HNRNPR: variants seen among roughly 807,000 people sequenced by gnomAD.
The protein encoded by HNRNPR is heterogeneous nuclear ribonucleoprotein R.
Under a neutral mutation model 70.3 loss-of-function variants are expected in HNRNPR, and 4 were observed. That is an observed-to-expected ratio of 0.06 (90% CI 0.03 to 0.13). HNRNPR has a LOEUF of 0.13. Ranked by LOEUF, HNRNPR falls within the 10% of genes least tolerant of loss-of-function variation. The pLI is 1.00. For missense variants in HNRNPR, 423 were observed against 788.5 expected (o/e 0.54, Z 5.55); for synonymous variants, 241 against 267.6 (o/e 0.90, Z 0.97).
chr1:23,333,691 T>C, intron 4 of HNRNPR, 60 bp from the exon 5 acceptor site: 1 of 932,122 alleles, frequency 1.1e-6, no homozygotes, highest in Non-Finnish European at 1.7e-6. Flanking sequence ...CAAGCATCAG[T>C]GTATTAATCT....
intron 5 of HNRNPR, among the ~76,000 whole-genome samples, chr1:23,327,790 G>A (rs1646050201): frequency 6.6e-6 from 1 of 151,772 alleles, no homozygotes; most frequent in Non-Finnish European, 1.5e-5. Flanking sequence ...CTAAATGATG[G>A]GGCTGAGTTT....
At chr1:23,336,717 G>A (rs535464752) in intron 4 of HNRNPR, among the ~76,000 whole-genome samples, 4 of 144,030 alleles carry the variant, frequency 2.8e-5, no homozygotes, top group African/African-American at 8.3e-5. Context: ...CTGAGATGGC[G>A]CTACTGCACT....
intron 7 of HNRNPR, among the ~76,000 whole-genome samples, chr1:23,320,497 C>T (rs925113511): frequency 6.6e-6 from 1 of 152,066 alleles, no homozygotes; most frequent in Non-Finnish European, 1.5e-5. Flanking sequence ...TAGAAAGAAG[C>T]CAATTTAGGG....
At chr1:23,334,031 A>G (rs188974834) in intron 4 of HNRNPR, among the ~76,000 whole-genome samples, 1 of 151,756 alleles carries the variant, frequency 6.6e-6, no homozygotes, top group Non-Finnish European at 1.5e-5. Context: ...CTCTTGTCTC[A>G]GCCTCCCAAG....
At chr1:23,325,129 G>C (rs1645919409) in intron 5 of HNRNPR, among the ~76,000 whole-genome samples, 1 of 151,310 alleles carries the variant, frequency 6.6e-6, no homozygotes, top group South Asian at 2.1e-4. Flanking sequence ...AACAGAGGGA[G>C]ACTCCATCTC....
At chr1:23,326,767 A>C (rs1458497001) in intron 5 of HNRNPR, among the ~76,000 whole-genome samples, 1 of 152,196 alleles carries the variant, frequency 6.6e-6, no homozygotes, top group Non-Finnish European at 1.5e-5. Flanking sequence ...CCTGGGTGAC[A>C]AGAGTGAAAC....
Position 23,308,293 on chromosome 1 carries a change from G to C in HNRNPR, c.*2161C>G, listed in dbSNP as rs1435012190. On this transcript the variant is annotated 3_prime_UTR_variant, in exon 11 of 11. Coordinates refer to ENST00000302271, the MANE Select transcript of HNRNPR (RefSeq NM_005826.5). ...AGTTTTAATCTTATGTTTTTGCGAG[G>C]GTTTGTTTTCTCAGAATCATTTCTA... 1 of 151,804 alleles carries C rather than the reference G, an allele frequency of 6.6e-6. No individual in the cohort carries two copies. The highest frequency in any genetic ancestry group is 6.6e-5 in the Admixed American group (1 of 15,246). 9.4% of individuals were successfully genotyped at this position (151,804 alleles called of 1,614,324 possible). A position where few individuals can be genotyped will look rare whatever the true frequency, so the allele number is the denominator to read the frequency against.
chr1:23,326,768 A>T (rs139374662), intron 5 of HNRNPR, among the ~76,000 whole-genome samples: 335 of 152,282 alleles, frequency 2.2e-3, no homozygotes, highest in African/African-American at 7.6e-3. Flanking sequence ...CTGGGTGACA[A>T]GAGTGAAACT....
intron 5 of HNRNPR, among the ~76,000 whole-genome samples, chr1:23,325,526 C>T (rs1645937416): frequency 6.6e-6 from 1 of 152,184 alleles, no homozygotes; most frequent in Admixed American, 6.5e-5. Flanking sequence ...AATCCTCATT[C>T]ACTAAACCTC....
At chr1:23,340,036 C>CA (rs36086561) in intron 2 of HNRNPR, among the ~76,000 whole-genome samples, 4,176 of 123,030 alleles carry the variant, frequency 0.034, 163 homozygotes, top group African/African-American at 0.1. Flanking sequence ...TTTTTAAGGA[C>CA]AAAAAAAAAA....
intron 7 of HNRNPR, among the ~76,000 whole-genome samples, chr1:23,321,322 A>G (rs538724836): frequency 6.6e-6 from 1 of 152,308 alleles, no homozygotes; most frequent in South Asian, 2.1e-4. Context: ...CAATTAAGAC[A>G]AAGAAGTGAA....
In HNRNPR at chr1:23,311,326, TA is replaced by T; in HGVS notation, c.1168-5del. On this transcript the variant is annotated splice_polypyrimidine_tract_variant and splice_region_variant and intron_variant, in intron 9 of 10. Coordinates refer to ENST00000302271, the MANE Select transcript of HNRNPR (RefSeq NM_005826.5). ...TGCCATTCATTTCATCCATAGCCTA[TA>T]AAAAATTAGAAAAATTATTTTACAA... The T allele has an allele frequency of 1.9e-6, 3 of 1,549,048 alleles. No homozygotes were observed. Among genetic ancestry groups the T allele is most frequent in the Non-Finnish European group, 2.7e-6 (3 of 1,126,768 alleles).
intron 1 of HNRNPR, among the ~76,000 whole-genome samples, chr1:23,341,315 T>C (rs908926162): frequency 2.6e-5 from 4 of 152,206 alleles, no homozygotes; most frequent in Non-Finnish European, 5.9e-5. Context: ...TGTTCTGTCC[T>C]GGTGAAAAGA....
At position 23,310,902 on chromosome 1, in the gene HNRNPR, C is replaced by T; in HGVS notation, c.1454G>A (p.Gly485Asp). Residue 485 changes from glycine to aspartate, a missense_variant, in exon 11 of 11, where the codon GGC becomes GAC. Physicochemically the swap from Gly to Asp is moderately conservative, Grantham distance 94. This residue lies in a region of HNRNPR where 169 missense variants were observed against 195.6 expected (regional missense o/e 0.86). Coordinates refer to ENST00000302271, the MANE Select transcript of HNRNPR (RefSeq NM_005826.5). This position sits in a 1 kb window ranked among gnomAD's most constrained non-coding sequence, Gnocchi z 6.0. ...YGYDYHDYRG[G>D]YEDPYYGYDD... ...ATAGCCGTAGTAGGGATCTTCATAGCCTCCACGATAGTCGTGATAATCATA... is the reference window on the plus strand; with the variant it reads ...ATAGCCGTAGTAGGGATCTTCATAGTCTCCACGATAGTCGTGATAATCATA... 6.2e-7 allele frequency: 1 copy of T among 1,614,170 alleles called. No individual in the cohort carries two copies. The highest frequency in any genetic ancestry group is 1.1e-5 in the South Asian group (1 of 91,086).
rs1267301169 is a variant in HNRNPR at position 23,309,359 on chromosome 1, T to G, written c.*1095A>C. The G allele has an allele frequency of 1.3e-5, 2 of 152,176 alleles. No individual in the cohort carries two copies. Among genetic ancestry groups the G allele is most frequent in the African/African-American group, 4.8e-5 (2 of 41,460 alleles). The allele number at this position is 152,176 out of a possible 1,614,324, so 9.4% of individuals were successfully genotyped here. On this transcript the variant is annotated 3_prime_UTR_variant, in exon 11 of 11. Transcript: ENST00000302271. ...GCCACAGTACTAACAATTTTCCCTG[T>G]ATGTACATTCACTTATCCAGCAAAT...
chr1:23,333,353 T>C (rs1287116282), intron 5 of HNRNPR, among the ~76,000 whole-genome samples, 165 bp downstream of exon 5: 2 of 152,176 alleles, frequency 1.3e-5, no homozygotes, highest in Non-Finnish European at 2.9e-5. Flanking sequence ...CACAAGATTA[T>C]CCATCCTCAT....
intron 5 of HNRNPR, among the ~76,000 whole-genome samples, chr1:23,325,434 A>G (rs1228376794): frequency 1.3e-5 from 2 of 152,210 alleles, no homozygotes; most frequent in African/African-American, 4.8e-5. Context: ...GCTATCTGGT[A>G]AAACTTGAGG....
rs185479461 is a variant in HNRNPR at position 23,315,069 on chromosome 1, T to C, written c.1018-1367A>G. Among the ~76,000 whole-genome samples the C allele has an allele frequency of 1.9e-4, 29 of 151,950 alleles. No homozygotes were observed. The East Asian group carries it at 5.2e-3, about 27-fold the overall frequency. ...CCGAGGTGGGCAGATCACCTGAGGT[T>C]GGGAGTTCAAGACCAGCCTGGCCAG... On this transcript the variant is annotated intron_variant, in intron 8 of 10. Coordinates refer to ENST00000302271, the MANE Select transcript of HNRNPR (RefSeq NM_005826.5).
chr1:23,333,495 G>C (rs780031233), intron 5 of HNRNPR, 23 bp downstream of exon 5: 3 of 1,448,894 alleles, frequency 2.1e-6, no homozygotes, highest in Non-Finnish European at 2.9e-6. Flanking sequence ...AAAGATCTTG[G>C]TAAACTGCTA....
Sources: allele counts gnomAD v4.1 joint callset (sites outside exome capture counted in the v4.1 genomes callset), GRCh38; gene constraint gnomAD v4.1.1; regional missense constraint gnomAD v4.1.1; non-coding constraint Gnocchi (gnomAD v3.1); transcripts MANE v1.5; gene names NCBI Gene and HGNC (gene_info 2026-07-23, HGNC 2026-07-21).